The following BRAF variants were observed in gnomAD, a reference collection of about 807,000 sequenced individuals.
BRAF encodes B-Raf proto-oncogene, serine/threonine kinase.
A neutral mutation model predicts 104.6 loss-of-function variants in BRAF; 16 were observed. The ratio of observed to expected loss-of-function variants is 0.15; its 90% CI spans 0.10 to 0.23. The LOEUF (loss-of-function observed/expected upper bound fraction) is 0.23, where lower values mean the gene tolerates loss of function less well. Ranked by LOEUF, BRAF falls within the 10% of genes least tolerant of loss-of-function variation. BRAF has a pLI of 1.00. For synonymous variants in BRAF, 310 were observed against 341.6 expected (o/e 0.91, Z 1.02); for missense variants, 541 against 937.3 (o/e 0.58, Z 5.52).
At chr7:140,874,836 G>A (rs999239651) in intron 1 of BRAF, among the ~76,000 whole-genome samples, 3 of 152,124 alleles carry the variant, frequency 2.0e-5, no homozygotes, top group East Asian at 3.9e-4. Context: ...TCATGGAAGC[G>A]GTTTCCCATG....
chr7:140,808,137 A>T lies in BRAF; in HGVS notation c.609-75T>A, dbSNP rs17695935. 0.069 allele frequency: 83,978 copies of T among 1,221,226 alleles called. 3,385 individuals carry two copies. Among genetic ancestry groups the T allele is most frequent in the Middle Eastern group, 0.12 (667 of 5,356 alleles). The allele number at this position is 1,221,226 out of a possible 1,614,324, so 75.6% of individuals were successfully genotyped here. A position where few individuals can be genotyped will look rare whatever the true frequency, so the allele number is the denominator to read the frequency against. On this transcript the variant is annotated intron_variant, in intron 4 of 19. Coordinates refer to ENST00000644969, the MANE Select transcript of BRAF (RefSeq NM_001374258.1). ...TCATATACCTCATGCTGAAGATATG[A>T]AAATTGGTTATCGAGGGGCTAGTAA...
chr7:140,872,948 G>A (rs1811777366), intron 1 of BRAF, among the ~76,000 whole-genome samples: 1 of 152,098 alleles, frequency 6.6e-6, no homozygotes. Flanking sequence ...TCAGATTGTT[G>A]TATGCTAGAA....
At chr7:140,923,714 G>T (rs1415064912) in intron 1 of BRAF, among the ~76,000 whole-genome samples, 1 of 152,144 alleles carries the variant, frequency 6.6e-6, no homozygotes, top group South Asian at 2.1e-4. Flanking sequence ...TGTCCAGGAG[G>T]ATTTGTGAAG....
At chr7:140,828,756 A>C (rs753460331) in intron 3 of BRAF, among the ~76,000 whole-genome samples, 26 of 152,176 alleles carry the variant, frequency 1.7e-4, no homozygotes, top group Non-Finnish European at 3.4e-4. Flanking sequence ...TTATGTGCTA[A>C]ATTCCCAATA....
chr7:140,725,279 G>C lies in BRAF; in HGVS notation c.*1215C>G. On this transcript the variant is annotated 3_prime_UTR_variant, in exon 20 of 20. Coordinates refer to ENST00000644969, the MANE Select transcript of BRAF (RefSeq NM_001374258.1). The stretch of plus-strand genomic sequence containing the variant: ...AAAGATGTTAGTGTGGATCCAGCAA[G>C]TACCATTAATTGAAAAATTATAAAT... 2.9e-6 allele frequency: 3 copies of C among 1,041,914 alleles called. No individual in the cohort carries two copies. Among genetic ancestry groups the C allele is most frequent in the East Asian group, 5.7e-5 (1 of 17,552 alleles). 64.5% of individuals were successfully genotyped at this position (1,041,914 alleles called of 1,614,324 possible).
chr7:140,724,298 T>C lies in BRAF; in HGVS notation c.*2196A>G. The C allele has an allele frequency of 1.9e-6, 2 of 1,057,328 alleles. No individual in the cohort carries two copies. The highest frequency in any genetic ancestry group is 2.3e-6 in the Non-Finnish European group (2 of 874,428). 65.5% of individuals were successfully genotyped at this position (1,057,328 alleles called of 1,614,324 possible). A position where few individuals can be genotyped will look rare whatever the true frequency, so the allele number is the denominator to read the frequency against. ...ACACATCCTCTTGTTCAAGCCCAGG[T>C]CTCTCTACCTGCGGAAACTTGAAGC... On this transcript the variant is annotated 3_prime_UTR_variant, in exon 20 of 20. Transcript: ENST00000644969.
At chr7:140,875,223 A>T (rs116052249) in intron 1 of BRAF, among the ~76,000 whole-genome samples, 1,529 of 152,336 alleles carry the variant, frequency 0.01, 30 homozygotes, top group African/African-American at 0.035. Flanking sequence ...TAGGATGATT[A>T]AAAATATCTG....
At chr7:140,736,905 C>T (rs1343404361) in intron 18 of BRAF, among the ~76,000 whole-genome samples, 1 of 152,004 alleles carries the variant, frequency 6.6e-6, no homozygotes, top group Non-Finnish European at 1.5e-5. Flanking sequence ...AAGAAATTAG[C>T]TGGGTGTGGT....
At chr7:140,809,030 G>A (rs1222081842) in intron 3 of BRAF, 35 bp from the exon 4 acceptor site, 2 of 1,528,994 alleles carry the variant, frequency 1.3e-6, no homozygotes, top group Non-Finnish European at 1.8e-6. Context: ...AAGAGGTAAA[G>A]GGAGCAAATT....
At chr7:140,905,892 T>C (rs958982145) in intron 1 of BRAF, among the ~76,000 whole-genome samples, 1 of 150,552 alleles carries the variant, frequency 6.6e-6, no homozygotes, top group Non-Finnish European at 1.5e-5. Flanking sequence ...ATCGAGACCA[T>C]CCCGGCTAAA....
chr7:140,722,181 T>G lies in BRAF; in HGVS notation c.*4313A>C. On this transcript the variant is annotated 3_prime_UTR_variant, in exon 20 of 20. Coordinates refer to ENST00000644969, the MANE Select transcript of BRAF (RefSeq NM_001374258.1). Reference sequence around the variant, plus strand: ...ATATTTGCAACCTAGTTGCTCTATGTGATAAATATATCTGACTATACTAGG... The same window carrying G: ...ATATTTGCAACCTAGTTGCTCTATGGGATAAATATATCTGACTATACTAGG... The G allele has an allele frequency of 9.4e-7, 1 of 1,060,468 alleles. No homozygotes were observed. The highest frequency in any genetic ancestry group is 1.1e-6 in the Non-Finnish European group (1 of 876,080). The allele number at this position is 1,060,468 out of a possible 1,614,324, so 65.7% of individuals were successfully genotyped here.
At chr7:140,797,045 T>A (rs1279290178) in intron 7 of BRAF, among the ~76,000 whole-genome samples, 2 of 152,170 alleles carry the variant, frequency 1.3e-5, no homozygotes, top group African/African-American at 4.8e-5. Context: ...ATTTTTCCAC[T>A]AACCAAGGTA....
At chr7:140,900,212 C>A (rs1037462930) in intron 1 of BRAF, among the ~76,000 whole-genome samples, 1 of 152,176 alleles carries the variant, frequency 6.6e-6, no homozygotes, top group Non-Finnish European at 1.5e-5. Context: ...CCTTGCCTTG[C>A]CTTTTGAGTG....
At chr7:140,839,858 G>T in intron 2 of BRAF, among the ~76,000 whole-genome samples, 2 of 152,260 alleles carry the variant, frequency 1.3e-5, no homozygotes, top group Middle Eastern at 3.4e-3. Flanking sequence ...ACTCTCACCC[G>T]TCAGGAAGTT....
At chr7:140,904,810 T>C (rs1033334420) in intron 1 of BRAF, among the ~76,000 whole-genome samples, 1 of 152,138 alleles carries the variant, frequency 6.6e-6, no homozygotes, top group Non-Finnish European at 1.5e-5. Context: ...GGTTTCACCA[T>C]GTTGGCCAGG....
intron 1 of BRAF, among the ~76,000 whole-genome samples, chr7:140,903,682 T>C (rs1815942384): frequency 1.3e-5 from 2 of 152,232 alleles, no homozygotes; most frequent in African/African-American, 4.8e-5. Context: ...GCAACATTAA[T>C]TGAAAGCCTT....
intron 14 of BRAF, among the ~76,000 whole-genome samples, chr7:140,774,183 A>C (rs989932150): frequency 3.9e-5 from 6 of 152,230 alleles, no homozygotes; most frequent in Admixed American, 2.0e-4. Flanking sequence ...TGGAGGGCTT[A>C]AAACTTGGAA....
intron 3 of BRAF, among the ~76,000 whole-genome samples, chr7:140,812,160 CTGTGTGTGTGTGTGTG>C (rs201757515): frequency 2.1e-5 from 3 of 140,542 alleles, no homozygotes; most frequent in Non-Finnish European, 4.7e-5. Flanking sequence ...GCATGCACAC[CTGTGTGTGTGTGTGTG>C]TGTGTGTGTG....
chr7:140,911,647 A>G (rs1425787616), intron 1 of BRAF, among the ~76,000 whole-genome samples: 2 of 152,210 alleles, frequency 1.3e-5, no homozygotes, highest in African/African-American at 4.8e-5. Flanking sequence ...GAAAAACATG[A>G]GCAAAGACAA....
Sources: allele counts gnomAD v4.1 joint callset (sites outside exome capture counted in the v4.1 genomes callset), GRCh38; gene constraint gnomAD v4.1.1; transcripts MANE v1.5; gene names NCBI Gene and HGNC (gene_info 2026-07-23, HGNC 2026-07-21).